The following VSTM4 variants were observed in gnomAD, a reference collection of about 807,000 sequenced individuals.
VSTM4 encodes V-set and transmembrane domain containing 4.
Under a neutral mutation model 36.4 loss-of-function variants are expected in VSTM4, and 20 were observed. The observed-to-expected ratio is 0.55, with a 90% confidence interval of 0.39 to 0.80. VSTM4 has a LOEUF of 0.80. VSTM4 is among the 30% of genes least tolerant of loss of function. The pLI, the probability that VSTM4 is intolerant of heterozygous loss-of-function variation, is 0.00. For synonymous variants in VSTM4, 182 were observed against 173.9 expected (o/e 1.05, Z -0.37); for missense variants, 392 against 404.5 (o/e 0.97, Z 0.26).
At chr10:49,107,119 TCCCCACTCAC>T (rs1844796938) in intron 2 of VSTM4, among the ~76,000 whole-genome samples, 1 of 152,150 alleles carries the variant, frequency 6.6e-6, no homozygotes, top group Non-Finnish European at 1.5e-5. Flanking sequence ...CTCTACTGAG[TCCCCACTCAC>T]CCCCACTCAC....
intron 1 of VSTM4, among the ~76,000 whole-genome samples, chr10:49,110,566 C>T (rs568353450): frequency 4.6e-5 from 7 of 152,142 alleles, no homozygotes; most frequent in East Asian, 1.9e-4. Context: ...TATGTTGAAG[C>T]GTTAGCCCCA....
intron 5 of VSTM4, among the ~76,000 whole-genome samples, chr10:49,054,819 A>G (rs1843751112): frequency 6.6e-6 from 1 of 152,178 alleles, no homozygotes; most frequent in Admixed American, 6.5e-5. Context: ...CTGGGCCATC[A>G]AATGGTCCTT....
At chr10:49,108,930 A>C (rs1181606054) in intron 1 of VSTM4, among the ~76,000 whole-genome samples, 1 of 152,028 alleles carries the variant, frequency 6.6e-6, no homozygotes, top group Non-Finnish European at 1.5e-5. Context: ...TTCATGGTGT[A>C]CCCTGGACTG....
intron 2 of VSTM4, among the ~76,000 whole-genome samples, chr10:49,087,312 T>G (rs112054486): frequency 1.8e-4 from 28 of 152,222 alleles, no homozygotes; most frequent in Non-Finnish European, 4.0e-4. Flanking sequence ...AATCATATTA[T>G]TTTAATGTCT....
At chr10:49,050,102 G>A (rs1470936110) in intron 5 of VSTM4, among the ~76,000 whole-genome samples, 1 of 152,206 alleles carries the variant, frequency 6.6e-6, no homozygotes, top group African/African-American at 2.4e-5. Context: ...CGTGCATAGG[G>A]TCATCTGTAT....
intron 2 of VSTM4, among the ~76,000 whole-genome samples, chr10:49,093,148 G>A (rs1461246212): frequency 1.3e-5 from 2 of 152,166 alleles, no homozygotes; most frequent in Non-Finnish European, 2.9e-5. Flanking sequence ...ACTAGGTGGA[G>A]GGTCTTAATT....
chr10:49,061,582 C>T (rs1213376727), intron 5 of VSTM4, among the ~76,000 whole-genome samples: 1 of 152,158 alleles, frequency 6.6e-6, no homozygotes, highest in Non-Finnish European at 1.5e-5. Context: ...GACTTGTACT[C>T]ATGTGGAAAC....
intron 3 of VSTM4, among the ~76,000 whole-genome samples, chr10:49,080,331 A>C (rs765872495): frequency 2.0e-5 from 3 of 152,208 alleles, no homozygotes; most frequent in Non-Finnish European, 4.4e-5. Flanking sequence ...GTTAATGAGA[A>C]GAAAGGGGGC....
chr10:49,111,368 A>C (rs1245184233), intron 1 of VSTM4, among the ~76,000 whole-genome samples: 1 of 152,192 alleles, frequency 6.6e-6, no homozygotes, highest in Non-Finnish European at 1.5e-5. Context: ...AGCAGTGTCC[A>C]GAGGCAGGAG....
chr10:49,107,735 G>C lies in VSTM4; in HGVS notation c.316C>G (p.Arg106Gly). 4.3e-6 allele frequency: 7 copies of C among 1,614,162 alleles called. No homozygotes were observed. Among genetic ancestry groups the C allele is most frequent in the Non-Finnish European group, 5.9e-6 (7 of 1,180,024 alleles). ...RRRLRLLEEQ[R>G]GALYRLSVLT... is the part of the protein sequence containing the mutation. The stretch of plus-strand genomic sequence containing the variant: ...ACGGAGAGCCTGTAGAGCGCCCCCC[G>C]CTGCTCCTCCAGCAGGCGCAGCCTC... The change falls in exon 2 of 8, where the codon CGG becomes GGG. Residue 106 changes from arginine to glycine, a missense_variant. By Grantham distance (125) the Arg-to-Gly change is moderately radical. Transcript: ENST00000332853.
intron 3 of VSTM4, among the ~76,000 whole-genome samples, chr10:49,081,154 C>T (rs1030252838): frequency 6.6e-6 from 1 of 152,212 alleles, no homozygotes; most frequent in South Asian, 2.1e-4. Flanking sequence ...AACCCACGGC[C>T]AGTCCTGCCT....
At chr10:49,069,485 A>T (rs1032772672) in intron 4 of VSTM4, among the ~76,000 whole-genome samples, 3 of 152,234 alleles carry the variant, frequency 2.0e-5, no homozygotes, top group Non-Finnish European at 4.4e-5. Flanking sequence ...AGCCCAGCAC[A>T]GGCTGGGAGC....
chr10:49,044,448 G>GAGAA (rs71465492), intron 7 of VSTM4, among the ~76,000 whole-genome samples: 3 of 109,950 alleles, frequency 2.7e-5, no homozygotes, highest in African/African-American at 7.1e-5. Flanking sequence ...GAAGGAAGGA[G>GAGAA]AGAAAGAAAG....
At chr10:49,035,497 A>G (rs1002378923) in intron 7 of VSTM4, among the ~76,000 whole-genome samples, 1 of 151,978 alleles carries the variant, frequency 6.6e-6, no homozygotes, top group African/African-American at 2.4e-5. Context: ...TTGTCTCCCA[A>G]AAGGGAGGCC....
chr10:49,109,676 G>A (rs1844857175), intron 1 of VSTM4, among the ~76,000 whole-genome samples: 3 of 152,184 alleles, frequency 2.0e-5, no homozygotes, highest in South Asian at 4.1e-4. Context: ...GAGCTCAGAA[G>A]AAAAAGGGTT....
chr10:49,097,850 T>C (rs1402478644), intron 2 of VSTM4, among the ~76,000 whole-genome samples: 1 of 152,226 alleles, frequency 6.6e-6, no homozygotes, highest in Non-Finnish European at 1.5e-5. Flanking sequence ...ATCTCAATAC[T>C]TACCTAAAAT....
intron 2 of VSTM4, among the ~76,000 whole-genome samples, chr10:49,089,141 C>T (rs920759393): frequency 6.6e-6 from 1 of 152,110 alleles, no homozygotes; most frequent in East Asian, 1.9e-4. Context: ...CTTATTTTAC[C>T]CATTTGTAAA....
intron 7 of VSTM4, among the ~76,000 whole-genome samples, chr10:49,034,117 A>G (rs112230787): frequency 1.4e-4 from 22 of 152,042 alleles, no homozygotes; most frequent in African/African-American, 5.3e-4. Context: ...CACCATTATT[A>G]CCATCACTAC....
In VSTM4 at chr10:49,019,632, T is replaced by C. The variant is rs1250074194; in HGVS notation, c.*18A>G. 1 of 1,595,004 alleles carries C rather than the reference T, an allele frequency of 6.3e-7. No individual in the cohort carries two copies. Among genetic ancestry groups the C allele is most frequent in the Non-Finnish European group, 8.5e-7 (1 of 1,170,258 alleles). On this transcript the variant is annotated 3_prime_UTR_variant, in exon 8 of 8. Coordinates refer to ENST00000332853, the MANE Select transcript of VSTM4 (RefSeq NM_001031746.5). The stretch of plus-strand genomic sequence containing the variant: ...TGGGTGGCAGGTATTAAATAGAACC[T>C]TGGAGGTGGACGCTGTACTACAGCT...
Sources: allele counts gnomAD v4.1 joint callset (sites outside exome capture counted in the v4.1 genomes callset), GRCh38; gene constraint gnomAD v4.1.1; transcripts MANE v1.5; gene names NCBI Gene and HGNC (gene_info 2026-07-23, HGNC 2026-07-21).